The following SLC45A2 variants were observed in gnomAD, a reference collection of about 807,000 sequenced individuals.
SLC45A2 encodes the protein membrane-associated transporter protein.
A neutral mutation model predicts 45.5 loss-of-function variants in SLC45A2; 36 were observed. The observed-to-expected ratio is 0.79, with a 90% CI of 0.61 to 1.04. The LOEUF (loss-of-function observed/expected upper bound fraction) is 1.04, where lower values mean the gene tolerates loss of function less well. Ranked by LOEUF, SLC45A2 falls within the 50% of genes least tolerant of loss-of-function variation. The pLI, the probability that SLC45A2 is intolerant of heterozygous loss-of-function variation, is 0.00. For missense variants in SLC45A2, 719 were observed against 671.0 expected (o/e 1.07, Z -0.79); for synonymous variants, 306 against 269.3 (o/e 1.14, Z -1.33).
intron 3 of SLC45A2, among the ~76,000 whole-genome samples, chr5:33,963,001 C>T (rs1346820875): frequency 6.6e-6 from 1 of 152,176 alleles, no homozygotes; most frequent in African/African-American, 2.4e-5. Context: ...TCTGCACGTC[C>T]TATATTTTAG....
At chr5:33,951,296 C>T in intron 5 of SLC45A2, 1 of 964,218 alleles carries the variant, frequency 1.0e-6, no homozygotes, top group Non-Finnish European at 1.4e-6. Flanking sequence ...GATTCCCTTT[C>T]ATTTTCCAGA....
rs985864604 is a variant in SLC45A2 at position 33,946,884 on chromosome 5, C to A, written c.1368+279G>T. 2.1e-5 allele frequency: 29 copies of A among 1,388,792 alleles called. No individual in the cohort carries two copies. In the South Asian group the frequency reaches 3.2e-4, roughly 15 times the overall value. 86.0% of individuals were successfully genotyped at this position (1,388,792 alleles called of 1,614,324 possible). ...ATTGTGGGCTGGTTTCTCAGCCTCA[C>A]CAAGCCTTTTTCTAATTAGAAAAAT... On this transcript the variant is annotated intron_variant, in intron 6 of 6. Transcript: ENST00000296589.
intron 3 of SLC45A2, among the ~76,000 whole-genome samples, chr5:33,961,840 C>CG (rs1368450055): frequency 6.6e-6 from 1 of 152,100 alleles, no homozygotes; most frequent in Non-Finnish European, 1.5e-5. Flanking sequence ...ACTAACAAGA[C>CG]GGGGGGTATT....
chr5:33,958,942 A>G (rs57857439), intron 3 of SLC45A2, among the ~76,000 whole-genome samples: 2 of 152,160 alleles, frequency 1.3e-5, no homozygotes, highest in Admixed American at 6.5e-5. Flanking sequence ...GAGGTAGATA[A>G]TCTATCAGGG....
intron 2 of SLC45A2, among the ~76,000 whole-genome samples, chr5:33,967,806 AC>A (rs1752644823): frequency 2.7e-5 from 4 of 150,748 alleles, no homozygotes; most frequent in African/African-American, 7.3e-5. Context: ...ACACACACAC[AC>A]ACACACACAC....
intron 6 of SLC45A2, 26 bp from the exon 7 acceptor site, chr5:33,944,898 T>C (rs886612980): frequency 1.1e-5 from 17 of 1,594,096 alleles, no homozygotes; most frequent in Non-Finnish European, 1.4e-5. Context: ...AGAACCACCA[T>C]TTGACCTACA....
chr5:33,949,269 G>C (rs1325349021), intron 5 of SLC45A2, among the ~76,000 whole-genome samples: 6 of 152,174 alleles, frequency 3.9e-5, no homozygotes, highest in Non-Finnish European at 8.8e-5. Flanking sequence ...CCAAAATAGA[G>C]GGTAATATAG....
intron 4 of SLC45A2, among the ~76,000 whole-genome samples, chr5:33,953,643 T>C (rs1299352166): frequency 7.4e-6 from 1 of 135,710 alleles, no homozygotes; most frequent in Non-Finnish European, 1.6e-5. Flanking sequence ...AGGAAGAAAC[T>C]GCATCAACTA....
chr5:33,959,567 G>A (rs1752383899), intron 3 of SLC45A2, among the ~76,000 whole-genome samples: 3 of 152,056 alleles, frequency 2.0e-5, no homozygotes, highest in East Asian at 1.9e-4. Context: ...TTAGTTCCTC[G>A]TTGCACTCTT....
At chr5:33,947,463 C>A (rs528445426) in intron 5 of SLC45A2, 89 bp from the exon 6 acceptor site, 3 of 1,214,990 alleles carry the variant, frequency 2.5e-6, no homozygotes, top group Non-Finnish European at 3.6e-6. Flanking sequence ...GAAGATTCAC[C>A]TTTTTAGACA....
chr5:33,970,253 G>A (rs1425071955), intron 2 of SLC45A2, among the ~76,000 whole-genome samples: 1 of 152,182 alleles, frequency 6.6e-6, no homozygotes, highest in East Asian at 1.9e-4. Context: ...ACTGAGGGAA[G>A]ACAGAAACAG....
At chr5:33,983,522 T>C (rs1753142142) in intron 1 of SLC45A2, among the ~76,000 whole-genome samples, 1 of 152,228 alleles carries the variant, frequency 6.6e-6, no homozygotes, top group Non-Finnish European at 1.5e-5. Flanking sequence ...TTATCCTGCC[T>C]CATAATCACC....
In SLC45A2 at chr5:33,963,988, C is replaced by G. The variant is rs763403828; in HGVS notation, c.591G>C (p.Leu197Phe). The G allele has an allele frequency of 1.2e-6, 2 of 1,613,954 alleles. No individual in the cohort carries two copies. Among genetic ancestry groups the G allele is most frequent in the South Asian group, 2.2e-5 (2 of 91,066 alleles). The change falls in exon 3 of 7, where the codon TTG becomes TTC. Residue 197 changes from leucine (L) to phenylalanine (F), a missense_variant. Coordinates refer to ENST00000296589, the MANE Select transcript of SLC45A2 (RefSeq NM_016180.5). ...CCAGATGGGCCCAGTCTATAGCACC[C>G]AAAAGGTAACCCAGGGCACCTCCAA... ...TGFGGALGYLLGAIDWAHLEL... is the reference protein window; with the variant it reads ...TGFGGALGYLFGAIDWAHLEL...
intron 3 of SLC45A2, among the ~76,000 whole-genome samples, chr5:33,957,793 A>T (rs1381294309): frequency 6.6e-6 from 1 of 152,186 alleles, no homozygotes; most frequent in Non-Finnish European, 1.5e-5. Context: ...GCCTCATTCT[A>T]AATATTAATA....
chr5:33,971,081 G>T (rs1752761802), intron 2 of SLC45A2: 1 of 512,424 alleles, frequency 2.0e-6, no homozygotes. Flanking sequence ...TGTTAAAGCT[G>T]CAGATGGACC....
intron 3 of SLC45A2, among the ~76,000 whole-genome samples, chr5:33,957,514 G>C (rs749683066): frequency 6.6e-6 from 1 of 152,150 alleles, no homozygotes; most frequent in Admixed American, 6.5e-5. Flanking sequence ...GATAATCAGT[G>C]TTAAACACTA....
Position 33,948,857 on chromosome 5 carries a change from A to C in SLC45A2, c.1157-1483T>G, listed in dbSNP as rs564525339. ...CAAAGTAGGGCAAAGAGGTATTTGG[A>C]AACATAAGTAACTTCAGTACAGAGA... is the stretch of plus-strand genomic sequence containing the variant. On this transcript the variant is annotated intron_variant, in intron 5 of 6. Coordinates refer to ENST00000296589, the MANE Select transcript of SLC45A2 (RefSeq NM_016180.5). Among the ~76,000 whole-genome samples, 4 of 152,348 alleles carry C rather than the reference A, an allele frequency of 2.6e-5. No individual in the cohort carries two copies. The East Asian group carries it at 7.7e-4, about 29-fold the overall frequency.
chr5:33,946,581 T>C, intron 6 of SLC45A2: 4 of 992,508 alleles, frequency 4.0e-6, no homozygotes, highest in South Asian at 4.6e-5. Flanking sequence ...AAGGTTTAAA[T>C]GGCACAGGTC....
intron 2 of SLC45A2, chr5:33,972,720 A>G (rs1752824172): frequency 6.6e-6 from 1 of 152,404 alleles, no homozygotes; most frequent in African/African-American, 2.4e-5. Flanking sequence ...ATCTCATTAA[A>G]AGTGTATGAA....
Sources: gnomAD v4.1 joint callset for allele counts (sites outside exome capture counted in the v4.1 genomes callset) on GRCh38, gnomAD v4.1.1 for gene constraint, MANE v1.5 for transcripts, NCBI Gene and HGNC (gene_info 2026-07-23, HGNC 2026-07-21) for gene names.